Variants in SDK1 observed in about 807,000 individuals in gnomAD.
The protein encoded by SDK1 is sidekick cell adhesion molecule 1, also known as protein sidekick-1.
A neutral mutation model predicts 245.5 loss-of-function variants in SDK1; 157 were observed. The observed-to-expected ratio is 0.64, with a 90% CI of 0.56 to 0.73. SDK1 has a LOEUF of 0.73. SDK1 is among the 30% of genes least tolerant of loss of function. SDK1 has a pLI of 0.00. For synonymous variants in SDK1, 1,647 were observed against 1,278.5 expected (o/e 1.29, Z -6.15); for missense variants, 3,583 against 3,002.3 (o/e 1.19, Z -4.52).
Position 4,266,244 on chromosome 7 carries a change from C to G in SDK1, c.*860C>G. 1.0e-6 allele frequency: 1 copy of G among 985,396 alleles called. No individual in the cohort carries two copies. Among genetic ancestry groups the G allele is most frequent in the Non-Finnish European group, 1.2e-6 (1 of 829,876 alleles). 61.0% of individuals were successfully genotyped at this position (985,396 alleles called of 1,614,324 possible). A position where few individuals can be genotyped will look rare whatever the true frequency, so the allele number is the denominator to read the frequency against. On this transcript the variant is annotated 3_prime_UTR_variant, in exon 45 of 45. Coordinates refer to ENST00000404826, the MANE Select transcript of SDK1 (RefSeq NM_152744.4). ...TTACGTAGGAAGCGTGCATTGTTAA[C>G]CAGAGTATTTTTAAAATCTTTTTAT...
chr7:4,231,716 C>G (rs530065511), intron 40 of SDK1, among the ~76,000 whole-genome samples: 1 of 152,158 alleles, frequency 6.6e-6, no homozygotes, highest in African/African-American at 2.4e-5. Context: ...ACGTCTATTC[C>G]TCATTAACCT....
At chr7:4,190,818 G>A (rs1212059759) in intron 35 of SDK1, among the ~76,000 whole-genome samples, 1 of 152,226 alleles carries the variant, frequency 6.6e-6, no homozygotes, top group Admixed American at 6.5e-5. Flanking sequence ...AGAGCTCCCA[G>A]GATGGAGCTG....
chr7:3,906,259 A>G (rs1307493119), intron 5 of SDK1, among the ~76,000 whole-genome samples: 1 of 152,038 alleles, frequency 6.6e-6, no homozygotes, highest in South Asian at 2.1e-4. Context: ...TTAGAACTTT[A>G]ATTATTTTAT....
intron 5 of SDK1, among the ~76,000 whole-genome samples, chr7:3,882,840 C>T (rs541890940): frequency 6.6e-6 from 1 of 152,252 alleles, no homozygotes; most frequent in East Asian, 1.9e-4. Flanking sequence ...ATAATTTAGA[C>T]ATTCTCTGCT....
chr7:3,601,453 T>C (rs912084978), intron 1 of SDK1, among the ~76,000 whole-genome samples: 9 of 152,112 alleles, frequency 5.9e-5, no homozygotes, highest in African/African-American at 2.2e-4. Context: ...TTTAGTAGTT[T>C]GTAGTTTTCT....
intron 25 of SDK1, among the ~76,000 whole-genome samples, chr7:4,120,929 T>TAA (rs1216291142): frequency 2.8e-5 from 4 of 141,442 alleles, no homozygotes; most frequent in Non-Finnish European, 4.6e-5. Context: ...AACACTCTTT[T>TAA]AAAAAAAAAA....
At chr7:4,069,492 A>G (rs1312756554) in intron 20 of SDK1, among the ~76,000 whole-genome samples, 1 of 152,140 alleles carries the variant, frequency 6.6e-6, no homozygotes, top group African/African-American at 2.4e-5. Context: ...GCCCGTCCTG[A>G]CGCGAGCGGT....
intron 1 of SDK1, among the ~76,000 whole-genome samples, chr7:3,434,491 C>T (rs939457407): frequency 1.3e-5 from 2 of 152,222 alleles, no homozygotes; most frequent in African/African-American, 4.8e-5. Context: ...ATAACTACAG[C>T]TAACATTTAT....
At position 3,895,358 on chromosome 7, in the gene SDK1, A is replaced by G. The variant is rs200685410; in HGVS notation, c.848-55565A>G. ...CTGCCTCAGGGCCCATTCCCTAGTC[A>G]CTTCCAGCCAGACATCCATGTATCA... is the stretch of plus-strand genomic sequence containing the variant. On this transcript the variant is annotated intron_variant, in intron 5 of 44. Transcript: ENST00000404826. Among the ~76,000 whole-genome samples the G allele has an allele frequency of 2.0e-5, 3 of 152,306 alleles. No homozygotes were observed. The East Asian group carries it at 5.8e-4, about 29-fold the overall frequency.
chr7:3,987,705 C>T (rs80179098), intron 14 of SDK1, among the ~76,000 whole-genome samples: 46 of 152,304 alleles, frequency 3.0e-4, no homozygotes, highest in Admixed American at 1.9e-3. Flanking sequence ...AGGTTTTCTC[C>T]GGTGTAGACG....
chr7:3,589,227 CTT>C (rs1780783693), intron 1 of SDK1, among the ~76,000 whole-genome samples: 2 of 151,924 alleles, frequency 1.3e-5, no homozygotes, highest in Admixed American at 6.6e-5. Flanking sequence ...GGTGCGGACT[CTT>C]TGATGTCAGT....
intron 1 of SDK1, among the ~76,000 whole-genome samples, chr7:3,343,002 G>GAAAAAAAAAAAAAAAAAAAAAAA (rs59587479): frequency 7.2e-6 from 1 of 137,996 alleles, no homozygotes; most frequent in Non-Finnish European, 1.5e-5. Context: ...CTAAATGGCT[G>GAAAAAAAAAAAAAAAAAAAAAAA]AAAAAAAAAA....
In SDK1 at chr7:3,582,683, TAAAAAAAA is replaced by T. The variant is rs71029682; in HGVS notation, c.299-36378_299-36371del. 1.1e-4 allele frequency among the ~76,000 whole-genome samples: 8 copies of T among 69,682 alleles called. No homozygotes were observed. The South Asian group carries it at 2.2e-3, about 19-fold the overall frequency. 45.7% of individuals were successfully genotyped at this position (69,682 alleles called of 152,430 possible). A position where few individuals can be genotyped will look rare whatever the true frequency, so the allele number is the denominator to read the frequency against. ...ATGTAGCCCTGAACCTAAACTAAAG[TAAAAAAAA>T]AAAAAAAAAAAAAAAAAAGGTACCA... On this transcript the variant is annotated intron_variant, in intron 1 of 44. Coordinates refer to ENST00000404826, the MANE Select transcript of SDK1 (RefSeq NM_152744.4).
At chr7:4,187,526 T>C (rs1463747885) in intron 35 of SDK1, among the ~76,000 whole-genome samples, 1 of 152,244 alleles carries the variant, frequency 6.6e-6, no homozygotes, top group East Asian at 1.9e-4. Context: ...AAATCTTTCC[T>C]AGTTTATTAG....
intron 5 of SDK1, among the ~76,000 whole-genome samples, chr7:3,853,617 C>G (rs1169945855): frequency 1.3e-5 from 2 of 151,932 alleles, no homozygotes; most frequent in Non-Finnish European, 2.9e-5. Flanking sequence ...AGTTGAGCAC[C>G]CCTAATCTGG....
intron 4 of SDK1, among the ~76,000 whole-genome samples, chr7:3,820,876 G>T (rs569999901): frequency 1.2e-4 from 18 of 152,332 alleles, no homozygotes; most frequent in African/African-American, 4.1e-4. Flanking sequence ...CTAAGACATG[G>T]TGAGATAGTA....
intron 4 of SDK1, among the ~76,000 whole-genome samples, chr7:3,717,529 A>G (rs1347072951): frequency 2.6e-5 from 4 of 152,230 alleles, no homozygotes; most frequent in Non-Finnish European, 4.4e-5. Context: ...CTAAGAACCT[A>G]GAAAAAGCAG....
intron 1 of SDK1, among the ~76,000 whole-genome samples, chr7:3,597,520 C>T (rs1380352216): frequency 6.6e-6 from 1 of 152,112 alleles, no homozygotes; most frequent in Non-Finnish European, 1.5e-5. Flanking sequence ...CTTCAGGTTG[C>T]TTTTTCGAAA....
intron 4 of SDK1, among the ~76,000 whole-genome samples, chr7:3,772,007 A>G (rs1455344994): frequency 2.0e-5 from 3 of 152,182 alleles, no homozygotes; most frequent in Admixed American, 6.5e-5. Flanking sequence ...GGGATCATAC[A>G]GTATTTCTCA....
Sources: gnomAD v4.1 joint callset for allele counts (sites outside exome capture counted in the v4.1 genomes callset) on GRCh38, gnomAD v4.1.1 for gene constraint, MANE v1.5 for transcripts, NCBI Gene and HGNC (gene_info 2026-07-23, HGNC 2026-07-21) for gene names.